Variants in ERVV-2 observed in about 807,000 individuals in gnomAD.
The protein encoded by ERVV-2 is endogenous retrovirus group V member 2, envelope.
For missense variants in ERVV-2, 291 were observed against 495.1 expected (o/e 0.59, Z 3.91); for synonymous variants, 105 against 184.6 (o/e 0.57, Z 3.49).
At chr19:53,048,507 GT>G (rs1419883254) in intron 1 of ERVV-2, among the ~76,000 whole-genome samples, 2 of 151,684 alleles carry the variant, frequency 1.3e-5, no homozygotes, top group East Asian at 3.9e-4. Flanking sequence ...GAGAAACCTT[GT>G]CTACTAAAAA....
At position 53,046,196 on chromosome 19, in the gene ERVV-2, C is replaced by A. The variant is rs148824108; in HGVS notation, c.-386+1238C>A. Among the ~76,000 whole-genome samples, 530 of 152,122 alleles carry A rather than the reference C, an allele frequency of 3.5e-3. 3 individuals are homozygous for A. The highest frequency in any genetic ancestry group is 0.011 in the African/African-American group (446 of 41,480). ...AGAATCGCTTGAACCCGGGAGCTGG[C>A]CATTGCAGTGGGCCGAGATCGCACC... On this transcript the variant is annotated intron_variant, in intron 1 of 1. Coordinates refer to ENST00000601417, the MANE Select transcript of ERVV-2 (RefSeq NM_001191055.2).
At chr19:53,048,384 A>G (rs2083898767) in intron 1 of ERVV-2, among the ~76,000 whole-genome samples, 1 of 151,362 alleles carries the variant, frequency 6.6e-6, no homozygotes, top group East Asian at 1.9e-4. Context: ...TCAAAAAAAC[A>G]AACAAAAAAA....
At chr19:53,045,522 C>T (rs1190224876) in intron 1 of ERVV-2, among the ~76,000 whole-genome samples, 3 of 152,118 alleles carry the variant, frequency 2.0e-5, no homozygotes, top group Admixed American at 6.6e-5. Flanking sequence ...AGGCTGGTCT[C>T]GAACTCCTGA....
In ERVV-2 at chr19:53,051,346, A is replaced by G. The variant is rs1022763422; in HGVS notation, c.*487A>G. On this transcript the variant is annotated 3_prime_UTR_variant, in exon 2 of 2. Coordinates refer to ENST00000601417, the MANE Select transcript of ERVV-2 (RefSeq NM_001191055.2). ...TTTTTAGTAGAGATGGGGTTTCACC[A>G]TGTTGGTCAGGCTAGTCTCAAACTC... Among the ~76,000 whole-genome samples, 1 of 151,906 alleles carries G rather than the reference A, an allele frequency of 6.6e-6. No homozygotes were observed. Among genetic ancestry groups the G allele is most frequent in the East Asian group, 1.9e-4 (1 of 5,138 alleles).
intron 1 of ERVV-2, among the ~76,000 whole-genome samples, chr19:53,045,677 G>A (rs931402100): frequency 6.6e-6 from 1 of 151,962 alleles, no homozygotes; most frequent in South Asian, 2.1e-4. Flanking sequence ...TCACTCCCCT[G>A]AACACCATAT....
In ERVV-2 at chr19:53,051,206, G is replaced by A. The variant is rs934383503; in HGVS notation, c.*347G>A. On this transcript the variant is annotated 3_prime_UTR_variant, in exon 2 of 2. Coordinates refer to ENST00000601417, the MANE Select transcript of ERVV-2 (RefSeq NM_001191055.2). ...CTGTCTCCCAGGCTGGAGTACAATG[G>A]TGCGATCTCGGCTCACTGCACCCTC... is the stretch of plus-strand genomic sequence containing the variant. 5.5e-6 allele frequency: 1 copy of A among 181,704 alleles called. No homozygotes were observed. The highest frequency in any genetic ancestry group is 2.6e-5 in the African/African-American group (1 of 37,804). The allele number at this position is 181,704 out of a possible 1,614,324, so 11.3% of individuals were successfully genotyped here.
chr19:53,045,981 G>T (rs1244131827), intron 1 of ERVV-2, among the ~76,000 whole-genome samples: 1 of 152,116 alleles, frequency 6.6e-6, no homozygotes, highest in Non-Finnish European at 1.5e-5. Flanking sequence ...CCTCATTTTG[G>T]CCGGGCACGG....
chr19:53,047,009 A>G (rs1225152856), intron 1 of ERVV-2, among the ~76,000 whole-genome samples: 1 of 152,172 alleles, frequency 6.6e-6, no homozygotes, highest in Non-Finnish European at 1.5e-5. Context: ...CTACTAAAAA[A>G]TTAGCCGGGC....
rs1687883879 is a variant in ERVV-2 at position 53,050,857 on chromosome 19, T to C, written c.1606T>C (p.Ter536ArgextTer48). 6.6e-7 allele frequency: 1 copy of C among 1,524,438 alleles called. No individual in the cohort carries two copies. Among genetic ancestry groups the C allele is most frequent in the African/African-American group, 1.4e-5 (1 of 72,680 alleles). The allele number at this position is 1,524,438 out of a possible 1,614,324, so 94.4% of individuals were successfully genotyped here. Residue 536 changes from the stop codon to arginine (R), a stop_lost, in exon 2 of 2, where the codon TGA becomes CGA. Coordinates refer to ENST00000601417, the MANE Select transcript of ERVV-2 (RefSeq NM_001191055.2). ...FRETMEEFSL[*>R] ...GGAAACTATGGAGGAATTTTCTCTC[T>C]GAGACAGAGCAAGAGAGGGAGACCC...
intron 1 of ERVV-2, among the ~76,000 whole-genome samples, chr19:53,047,722 G>A (rs1477527573): frequency 6.6e-6 from 1 of 152,104 alleles, no homozygotes; most frequent in Admixed American, 6.6e-5. Flanking sequence ...ATAGGTAAAG[G>A]GACACTTCCT....
intron 1 of ERVV-2, among the ~76,000 whole-genome samples, chr19:53,048,568 G>A (rs932300450): frequency 1.3e-5 from 2 of 150,822 alleles, no homozygotes; most frequent in African/African-American, 4.9e-5. Context: ...CCAGCTACTC[G>A]GGAGGCTTAG....
rs2083905686 is a variant in ERVV-2, at chr19:53,049,998, T to TA, written c.748dup (p.Thr250AsnfsTer15). 1 of 1,501,160 alleles carries TA rather than the reference T, an allele frequency of 6.7e-7. No homozygotes were observed. Among genetic ancestry groups the TA allele is most frequent in the African/African-American group, 1.5e-5 (1 of 66,482 alleles). The allele number at this position is 1,501,160 out of a possible 1,614,324, so 93.0% of individuals were successfully genotyped here. The stretch of plus-strand genomic sequence containing the variant: ...ACAGCCACATCCCCCGGTGGGCCTG[T>TA]ACCCCTCCTGGCTATGTATTTTTAT... On this transcript the variant is annotated frameshift_variant, in exon 2 of 2. Transcript: ENST00000601417. LOFTEE classifies it low-confidence loss of function (END_TRUNC).
Position 53,050,761 on chromosome 19 carries a change from C to CTATCTGTCA in ERVV-2, c.1512_1520dup (p.Ser505_Ile507dup), listed in dbSNP as rs2083910074. ...GTCCCCCCAAATGGAAAGATATCAG[C>CTATCTGTCA]TATCTGTCATTGGAGGCCCCAGCAC... On this transcript the variant is annotated inframe_insertion, in exon 2 of 2. Transcript: ENST00000601417. 1.3e-6 allele frequency: 2 copies of CTATCTGTCA among 1,536,132 alleles called. No individual in the cohort carries two copies. Among genetic ancestry groups the CTATCTGTCA allele is most frequent in the Non-Finnish European group, 1.7e-6 (2 of 1,146,914 alleles).
At chr19:53,048,818 A>C (rs1052813674) in intron 1 of ERVV-2, 49 bp from the exon 2 acceptor site, 3 of 276,316 alleles carry the variant, frequency 1.1e-5, no homozygotes, top group African/African-American at 6.8e-5. Flanking sequence ...CTGGGTCTCA[A>C]CTCCCTTATG....
intron 1 of ERVV-2, among the ~76,000 whole-genome samples, chr19:53,048,094 C>T (rs55919941): frequency 9.3e-4 from 141 of 152,234 alleles, no homozygotes; most frequent in Non-Finnish European, 1.7e-3. Flanking sequence ...GTAATCCTAG[C>T]ACTTTGGGAG....
At position 53,051,231 on chromosome 19, in the gene ERVV-2, C is replaced by T. The variant is rs2083913149; in HGVS notation, c.*372C>T. 6.8e-6 allele frequency among the ~76,000 whole-genome samples: 1 copy of T among 148,116 alleles called. No homozygotes were observed. Among genetic ancestry groups the T allele is most frequent in the Non-Finnish European group, 1.5e-5 (1 of 67,344 alleles). On this transcript the variant is annotated 3_prime_UTR_variant, in exon 2 of 2. Transcript: ENST00000601417. ...GTGCGATCTCGGCTCACTGCACCCT[C>T]CACCTCCCAGGTTCAATTGATTCTC...
rs2083910332 is a variant in ERVV-2 at position 53,050,802 on chromosome 19, C to T, written c.1551C>T (p.Ser517=). ...GCCCCAGCACCTATAAGCACATCTC[C>T]CCCTTGGATGCCAGTGGGCAAAGAT... ...IGGPSTYKHI[S]PLDASGQRFR... The change falls in exon 2 of 2, where the codon TCC becomes TCT. Residue 517 remains serine (S), a synonymous_variant. Coordinates refer to ENST00000601417, the MANE Select transcript of ERVV-2 (RefSeq NM_001191055.2). 6.5e-7 allele frequency: 1 copy of T among 1,535,676 alleles called. No individual in the cohort carries two copies. The highest frequency in any genetic ancestry group is 1.4e-5 in the African/African-American group (1 of 73,100).
In ERVV-2 at chr19:53,049,069, C is replaced by T. The variant is rs1002428652; in HGVS notation, c.-183C>T. On this transcript the variant is annotated 5_prime_UTR_variant, in exon 2 of 2. It adds an upstream start codon to the 5' untranslated region. Transcript: ENST00000601417. Reference sequence around the variant, plus strand: ...CCCAAAACTAAAGTCAATCTCAGTACGGGGAATCTTGGTTGCGGTGGCATT... The same window carrying T: ...CCCAAAACTAAAGTCAATCTCAGTATGGGGAATCTTGGTTGCGGTGGCATT... 25 of 726,222 alleles carry T rather than the reference C, an allele frequency of 3.4e-5. No homozygotes were observed. Among genetic ancestry groups the T allele is most frequent in the Admixed American group, 1.4e-4 (5 of 35,664 alleles). 45.0% of individuals were successfully genotyped at this position (726,222 alleles called of 1,614,324 possible).
In ERVV-2 at chr19:53,050,729, A is replaced by T. The variant is rs1435130892; in HGVS notation, c.1478A>T (p.His493Leu). 6.5e-7 allele frequency: 1 copy of T among 1,536,042 alleles called. No individual in the cohort carries two copies. ...KCVSSRIKQFHMKSPQMERYQ... is the reference protein window; with the variant it reads ...KCVSSRIKQFLMKSPQMERYQ... ...GTCTCTTCTAGGATAAAGCAATTTC[A>T]CATGAAGTCCCCCCAAATGGAAAGA... The change falls in exon 2 of 2, where the codon CAC becomes CTC. Residue 493 changes from histidine to leucine, a missense_variant. Transcript: ENST00000601417.
Sources: allele counts gnomAD v4.1 joint callset (sites outside exome capture counted in the v4.1 genomes callset), GRCh38; gene constraint gnomAD v4.1.1; transcripts MANE v1.5; gene names NCBI Gene and HGNC (gene_info 2026-07-23, HGNC 2026-07-21).